Variants in EVI5 observed in about 807,000 individuals in gnomAD.
EVI5 encodes the protein ecotropic viral integration site 5 protein homolog.
Under a neutral mutation model 112.0 loss-of-function variants are expected in EVI5, and 73 were observed. That is an observed-to-expected ratio of 0.65 (90% CI 0.54 to 0.79). The LOEUF (loss-of-function observed/expected upper bound fraction) is 0.79. EVI5 is among the 30% of genes least tolerant of loss of function. EVI5 has a pLI of 0.00. For missense variants in EVI5, 900 were observed against 968.8 expected (o/e 0.93, Z 0.94); for synonymous variants, 305 against 319.9 (o/e 0.95, Z 0.50).
At chr1:92,713,002 G>A (rs963264627) in intron 2 of EVI5, among the ~76,000 whole-genome samples, 3 of 151,524 alleles carry the variant, frequency 2.0e-5, no homozygotes, top group Non-Finnish European at 4.4e-5. Context: ...TTGAGAGGCT[G>A]GTCTCAAACT....
At chr1:92,736,334 T>A (rs1398919852) in intron 2 of EVI5, 64 bp downstream of exon 2, 2 of 1,051,324 alleles carry the variant, frequency 1.9e-6, no homozygotes, top group Non-Finnish European at 2.8e-6. Flanking sequence ...AATTCTAGTG[T>A]AAGTAAATAT....
intron 19 of EVI5, among the ~76,000 whole-genome samples, chr1:92,517,581 T>C (rs1159203466): frequency 6.6e-6 from 1 of 152,236 alleles, no homozygotes; most frequent in South Asian, 2.1e-4. Context: ...GTGTCTGGTA[T>C]GTAGAAATGG....
chr1:92,678,910 T>C (rs1249580157), intron 9 of EVI5, among the ~76,000 whole-genome samples: 1 of 152,238 alleles, frequency 6.6e-6, no homozygotes, highest in East Asian at 1.9e-4. Context: ...GAGAAACTTC[T>C]GTATAGTCAC....
intron 2 of EVI5, among the ~76,000 whole-genome samples, chr1:92,704,949 G>C (rs958468803): frequency 1.4e-5 from 2 of 147,826 alleles, no homozygotes; most frequent in African/African-American, 4.9e-5. Flanking sequence ...TTGAAAATTT[G>C]AAAAAGCAAA....
At chr1:92,758,772 C>A (rs972533109) in intron 1 of EVI5, among the ~76,000 whole-genome samples, 1 of 151,502 alleles carries the variant, frequency 6.6e-6, no homozygotes, top group African/African-American at 2.4e-5. Context: ...AGAGAGAGTT[C>A]TTTCTCTTTT....
intron 1 of EVI5, among the ~76,000 whole-genome samples, chr1:92,783,497 A>AAAG (rs1488853347): frequency 1.4e-4 from 18 of 127,400 alleles, no homozygotes; most frequent in Admixed American, 7.7e-4. Flanking sequence ...AAAAAAAAAA[A>AAAG]AAAAAAAAAA....
At chr1:92,754,375 C>T (rs1056512182) in intron 1 of EVI5, among the ~76,000 whole-genome samples, 2 of 152,154 alleles carry the variant, frequency 1.3e-5, no homozygotes, top group African/African-American at 4.8e-5. Context: ...GGGAGGCAAA[C>T]ATGGAAACAA....
chr1:92,672,583 A>C (rs1466287725), intron 10 of EVI5, among the ~76,000 whole-genome samples: 1 of 152,156 alleles, frequency 6.6e-6, no homozygotes, highest in Admixed American at 6.5e-5. Flanking sequence ...ACCATCCAAA[A>C]TACCGTACAT....
At chr1:92,715,004 AT>A (rs953199484) in intron 2 of EVI5, among the ~76,000 whole-genome samples, 23 of 151,200 alleles carry the variant, frequency 1.5e-4, no homozygotes, top group African/African-American at 2.9e-4. Context: ...AGTTTTAATG[AT>A]TTTTTTTTCT....
chr1:92,720,660 C>A (rs888936987), intron 2 of EVI5, among the ~76,000 whole-genome samples: 1 of 152,008 alleles, frequency 6.6e-6, no homozygotes, highest in African/African-American at 2.4e-5. Context: ...GCAACAAAAG[C>A]CAAAATTAAC....
intron 1 of EVI5, among the ~76,000 whole-genome samples, chr1:92,751,876 G>T (rs78701516): frequency 0.026 from 3,938 of 152,084 alleles, 131 homozygotes; most frequent in African/African-American, 0.074. Flanking sequence ...AGCCGGGCAT[G>T]GTGGTGCACG....
intron 13 of EVI5, among the ~76,000 whole-genome samples, chr1:92,654,112 G>A (rs914972274): frequency 1.4e-4 from 21 of 152,112 alleles, no homozygotes; most frequent in African/African-American, 5.1e-4. Context: ...CCCTGCTAGG[G>A]GGTGAGCAGA....
chr1:92,624,777 C>G (rs572214361), intron 15 of EVI5, among the ~76,000 whole-genome samples: 35 of 147,736 alleles, frequency 2.4e-4, no homozygotes, highest in African/African-American at 7.9e-4. Context: ...TTAGAATTCA[C>G]TGCCTAGGGT....
chr1:92,773,266 C>A, intron 1 of EVI5, among the ~76,000 whole-genome samples: 1 of 150,278 alleles, frequency 6.7e-6, no homozygotes. Flanking sequence ...GACAAATAAA[C>A]TGTATTATAT....
Position 92,608,435 on chromosome 1 carries a change from G to A in EVI5, c.1828-708C>T, listed in dbSNP as rs756650001. 5.5e-4 allele frequency among the ~76,000 whole-genome samples: 84 copies of A among 152,312 alleles called. 1 individual carries two copies. The highest frequency in any genetic ancestry group is 9.3e-4 in the Non-Finnish European group (63 of 68,026). ...AAAAGGTACCATCATGGCCAGTGCA[G>A]TGGCTCATGTCTAATCCCAGCATTC... is the stretch of plus-strand genomic sequence containing the variant. On this transcript the variant is annotated intron_variant, in intron 16 of 19. Transcript: ENST00000684568.
chr1:92,624,370 T>C (rs200680504), intron 15 of EVI5, 36 bp from the exon 16 acceptor site: 1 of 1,573,498 alleles, frequency 6.4e-7, no homozygotes, highest in African/African-American at 1.4e-5. Context: ...ACAAATACTC[T>C]CAGTATCAAA....
At chr1:92,701,228 T>C (rs1671104197) in intron 5 of EVI5, among the ~76,000 whole-genome samples, 4 of 152,218 alleles carry the variant, frequency 2.6e-5, no homozygotes, top group Non-Finnish European at 4.4e-5. Flanking sequence ...TTCTGATTCC[T>C]ACTTTGCTTT....
intron 18 of EVI5, among the ~76,000 whole-genome samples, chr1:92,589,726 G>C (rs989450150): frequency 6.6e-6 from 1 of 152,188 alleles, no homozygotes; most frequent in Non-Finnish European, 1.5e-5. Context: ...AGAAACCTCC[G>C]CAGACTTAAA....
intron 16 of EVI5, among the ~76,000 whole-genome samples, chr1:92,608,576 C>T (rs533560557): frequency 3.3e-5 from 5 of 151,918 alleles, no homozygotes; most frequent in Non-Finnish European, 5.9e-5. Flanking sequence ...TGGTGGTGCA[C>T]GTCTATAATC....
Sources: gnomAD v4.1 joint callset for allele counts (sites outside exome capture counted in the v4.1 genomes callset) on GRCh38, gnomAD v4.1.1 for gene constraint, MANE v1.5 for transcripts, NCBI Gene and HGNC (gene_info 2026-07-23, HGNC 2026-07-21) for gene names.